Variants in RAB27A observed in about 807,000 individuals in gnomAD.
RAB27A encodes RAB27A, member RAS oncogene family.
A neutral mutation model predicts 20.8 loss-of-function variants in RAB27A; 17 were observed. The observed-to-expected ratio is 0.82, with a 90% CI of 0.56 to 1.23. The LOEUF (loss-of-function observed/expected upper bound fraction) is 1.23, where lower values mean the gene tolerates loss of function less well. Among genes scored for constraint, RAB27A ranks in the 50% most tolerant of loss-of-function variants. The probability of loss-of-function intolerance (pLI) is 0.00; values close to 1 mark genes in which losing one functional copy is unlikely to be tolerated. For missense variants in RAB27A, 277 were observed against 266.7 expected, an observed-to-expected ratio of 1.04 and a Z score of -0.27; for synonymous variants, 85 against 92.8, an observed-to-expected ratio of 0.92 and a Z score of 0.48.
At chr15:55,241,113 T>A (rs1264101243) in intron 2 of RAB27A, among the ~76,000 whole-genome samples, 2 of 152,314 alleles carry the variant, frequency 1.3e-5, no homozygotes, top group African/African-American at 4.8e-5. Flanking sequence ...GCAGGCAATG[T>A]TCTTTTCTTT....
chr15:55,262,279 T>A (rs533890460), intron 2 of RAB27A, among the ~76,000 whole-genome samples: 1 of 152,068 alleles, frequency 6.6e-6, no homozygotes, highest in Non-Finnish European at 1.5e-5. Flanking sequence ...CGGTGGCTCA[T>A]GCATGTAATC....
intron 2 of RAB27A, among the ~76,000 whole-genome samples, chr15:55,304,456 C>T (rs1297127223): frequency 1.5e-5 from 2 of 134,716 alleles, no homozygotes; most frequent in African/African-American, 6.5e-5. Flanking sequence ...CAAGAATTAT[C>T]AATAAAAAAA....
At chr15:55,276,328 G>A (rs1337939329) in intron 1 of RAB27A, among the ~76,000 whole-genome samples, 1 of 152,160 alleles carries the variant, frequency 6.6e-6, no homozygotes, top group African/African-American at 2.4e-5. Flanking sequence ...CAGATAGGTG[G>A]AAGATATTAT....
At chr15:55,318,265 T>C (rs924876820) in intron 1 of RAB27A, among the ~76,000 whole-genome samples, 4 of 150,108 alleles carry the variant, frequency 2.7e-5, no homozygotes, top group Admixed American at 2.0e-4. Context: ...ACCCGGCTAA[T>C]TTTTTGTATT....
At chr15:55,246,893 G>A (rs957277115) in intron 2 of RAB27A, among the ~76,000 whole-genome samples, 1 of 151,976 alleles carries the variant, frequency 6.6e-6, no homozygotes, top group Non-Finnish European at 1.5e-5. Context: ...GCACATAGAA[G>A]ACAGTGAAAC....
At chr15:55,250,721 T>G (rs1896858033) in intron 2 of RAB27A, among the ~76,000 whole-genome samples, 1 of 152,222 alleles carries the variant, frequency 6.6e-6, no homozygotes, top group African/African-American at 2.4e-5. Flanking sequence ...AAAGGGCTAT[T>G]CTGGGTTTGG....
rs1894548503 is a variant in RAB27A at position 55,204,487 on chromosome 15, T to G, written c.*1020A>C. ...GCATCTTATGTAATTAAAAACTAAT[T>G]ATTTCAATTCCACCAATGGAAAAGC... On this transcript the variant is annotated 3_prime_UTR_variant, in exon 7 of 7. Transcript: ENST00000336787. 6.6e-6 allele frequency: 1 copy of G among 152,202 alleles called. No homozygotes were observed. The highest frequency in any genetic ancestry group is 1.5e-5 in the Non-Finnish European group (1 of 68,032). The allele number at this position is 152,202 out of a possible 1,614,324, so 9.4% of individuals were successfully genotyped here. A position where few individuals can be genotyped will look rare whatever the true frequency, so the allele number is the denominator to read the frequency against.
chr15:55,317,604 C>T (rs977161955), intron 1 of RAB27A: 11 of 396,378 alleles, frequency 2.8e-5, no homozygotes, highest in East Asian at 1.8e-4. Flanking sequence ...TGAGCCACTG[C>T]GCCAGGCCTA....
intron 6 of RAB27A, among the ~76,000 whole-genome samples, chr15:55,209,500 A>T (rs940857973): frequency 6.6e-6 from 1 of 152,146 alleles, no homozygotes; most frequent in African/African-American, 2.4e-5. Context: ...ATAACATTCC[A>T]TTGTATATAT....
rs529214326 is a variant in RAB27A, at chr15:55,204,461, G to A, written c.*1046C>T. The A allele has an allele frequency of 6.6e-6, 1 of 152,198 alleles. No individual in the cohort carries two copies. The highest frequency in any genetic ancestry group is 2.1e-4 in the South Asian group (1 of 4,824). The allele number at this position is 152,198 out of a possible 1,614,324, so 9.4% of individuals were successfully genotyped here. A position where few individuals can be genotyped will look rare whatever the true frequency, so the allele number is the denominator to read the frequency against. ...TCTATCTTCCACCAAATAGCAAACA[G>A]GCATCTTATGTAATTAAAAACTAAT... On this transcript the variant is annotated 3_prime_UTR_variant, in exon 7 of 7. Transcript: ENST00000336787.
intron 3 of RAB27A, among the ~76,000 whole-genome samples, chr15:55,230,851 A>C (rs1896004431): frequency 6.6e-6 from 1 of 152,094 alleles, no homozygotes; most frequent in Non-Finnish European, 1.5e-5. Context: ...CAGGGGGTAC[A>C]TGTGCAGGCT....
At chr15:55,257,764 T>TG (rs1897130430) in intron 2 of RAB27A, among the ~76,000 whole-genome samples, 1 of 152,150 alleles carries the variant, frequency 6.6e-6, no homozygotes, top group Non-Finnish European at 1.5e-5. Context: ...AGGCCAAAGC[T>TG]GGCGGATCAC....
chr15:55,287,005 C>T (rs1035884579), intron 1 of RAB27A, among the ~76,000 whole-genome samples: 2 of 150,152 alleles, frequency 1.3e-5, no homozygotes, highest in African/African-American at 4.9e-5. Context: ...CTGCAACCTC[C>T]GCCTCCTGGG....
chr15:55,230,376 G>T, intron 4 of RAB27A, 25 bp downstream of exon 4: 1 of 1,570,562 alleles, frequency 6.4e-7, no homozygotes, highest in Non-Finnish European at 8.8e-7. Flanking sequence ...CTTCAGTAAG[G>T]AGCACATAAC....
intron 1 of RAB27A, among the ~76,000 whole-genome samples, chr15:55,275,367 C>A (rs1391384740): frequency 6.6e-6 from 1 of 152,098 alleles, no homozygotes; most frequent in East Asian, 1.9e-4. Flanking sequence ...TGGCTCACAC[C>A]TATAATCCCA....
chr15:55,252,213 G>C (rs963285028), intron 2 of RAB27A, among the ~76,000 whole-genome samples: 2 of 152,152 alleles, frequency 1.3e-5, no homozygotes, highest in African/African-American at 4.8e-5. Flanking sequence ...GAAAAGACCG[G>C]GGGAGGGTGG....
At position 55,203,487 on chromosome 15, in the gene RAB27A, T is replaced by C. The variant is rs1473829413; in HGVS notation, c.*2020A>G. ...TGGAGTGCAGTGGCGCAATCTCGGC[T>C]CACTGCAAGCTCCGCCTCCCAGGTT... On this transcript the variant is annotated 3_prime_UTR_variant, in exon 7 of 7. Transcript: ENST00000336787. The C allele has an allele frequency of 6.8e-6, 1 of 146,940 alleles. No homozygotes were observed. The highest frequency in any genetic ancestry group is 7.0e-5 in the Admixed American group (1 of 14,314). 9.1% of individuals were successfully genotyped at this position (146,940 alleles called of 1,614,324 possible).
At chr15:55,271,742 G>C (rs952788727) in intron 1 of RAB27A, among the ~76,000 whole-genome samples, 1 of 152,058 alleles carries the variant, frequency 6.6e-6, no homozygotes, top group African/African-American at 2.4e-5. Flanking sequence ...GTGAAATGTC[G>C]GACATAGAAC....
chr15:55,218,916 T>A (rs1004840856), intron 6 of RAB27A, among the ~76,000 whole-genome samples: 2 of 152,058 alleles, frequency 1.3e-5, no homozygotes, highest in African/African-American at 4.8e-5. Context: ...GTAATTTTTA[T>A]ATTTTTGTAG....
Sources: allele counts gnomAD v4.1 joint callset (sites outside exome capture counted in the v4.1 genomes callset), GRCh38; gene constraint gnomAD v4.1.1; transcripts MANE v1.5; gene names NCBI Gene and HGNC (gene_info 2026-07-23, HGNC 2026-07-21).